The following ZNF185 variants were observed in gnomAD, a reference collection of about 807,000 sequenced individuals.
ZNF185 encodes zinc finger protein 185 with LIM domain.
Under a neutral mutation model 58.6 loss-of-function variants are expected in ZNF185, and 56 were observed. The observed-to-expected ratio is 0.95, with a 90% CI of 0.77 to 1.19. The LOEUF (loss-of-function observed/expected upper bound fraction) is 1.19. ZNF185 is among the 50% of genes most tolerant of loss of function. The pLI, the probability that ZNF185 is intolerant of heterozygous loss-of-function variation, is 0.00. For missense variants in ZNF185, 627 were observed against 573.5 expected, an observed-to-expected ratio of 1.09 and a Z score of -0.95; for synonymous variants, 230 against 215.9, an observed-to-expected ratio of 1.07 and a Z score of -0.57.
At chrX:152,951,342 C>A (rs2048298115) in intron 16 of ZNF185, among the ~76,000 whole-genome samples, 1 of 107,419 alleles carries the variant, frequency 9.3e-6, no homozygotes, top group Non-Finnish European at 1.9e-5. Context: ...TTTTGAAAAT[C>A]TTATAAATAC....
At chrX:152,937,923 G>C (rs782318996) in intron 14 of ZNF185, 151 bp from the exon 17 acceptor site, 2 of 488,797 alleles carry the variant, frequency 4.1e-6, no homozygotes, top group Non-Finnish European at 6.8e-6. Flanking sequence ...CAGTGGCATC[G>C]GTGCCACACT....
chrX:152,952,831 C>CT (rs34933153), intron 16 of ZNF185, among the ~76,000 whole-genome samples: 6,149 of 93,544 alleles, frequency 0.066, 537 homozygotes, highest in African/African-American at 0.22. Flanking sequence ...TTCGTGATTA[C>CT]TTTTTTTTTT....
intron 21 of ZNF185, 108 bp from the exon 24 acceptor site, chrX:152,970,335 G>A: frequency 4.9e-6 from 3 of 613,279 alleles, no homozygotes; most frequent in Non-Finnish European, 5.3e-6. Context: ...GATGTGCCAC[G>A]GGCTCACAGC....
intron 16 of ZNF185, 65 bp from the exon 19 acceptor site, chrX:152,959,634 C>T: frequency 9.0e-7 from 1 of 1,106,614 alleles, no homozygotes; most frequent in Non-Finnish European, 1.2e-6. Flanking sequence ...GCCAGCCTAC[C>T]TGCCATGGGA....
intron 16 of ZNF185, among the ~76,000 whole-genome samples, chrX:152,958,299 A>G (rs1556906606): frequency 9.0e-6 from 1 of 111,541 alleles, no homozygotes; most frequent in African/African-American, 3.3e-5. Flanking sequence ...GAAGGGGAAG[A>G]GAAGCAGCTG....
chrX:152,915,737 CTCTT>C (rs1443768444), intron 3 of ZNF185, among the ~76,000 whole-genome samples: 1 of 112,430 alleles, frequency 8.9e-6, no homozygotes, highest in Non-Finnish European at 1.9e-5. Flanking sequence ...TGGCTTCTCT[CTCTT>C]TTGGGGGCTT....
chrX:152,905,487 C>A, the ZNF185 span, among the ~76,000 whole-genome samples: 1 of 111,807 alleles, frequency 8.9e-6, no homozygotes, highest in African/African-American at 3.3e-5. Context: ...TTACTCAGAG[C>A]TCACAGGCAT....
intron 16 of ZNF185, among the ~76,000 whole-genome samples, chrX:152,956,615 TGTA>T: frequency 9.0e-6 from 1 of 111,714 alleles, no homozygotes; most frequent in East Asian, 2.8e-4. Flanking sequence ...GGCATGCACC[TGTA>T]ATCCCAGCTA....
chrX:152,904,475 G>A, the ZNF185 span, among the ~76,000 whole-genome samples: 6 of 112,508 alleles, frequency 5.3e-5, no homozygotes, highest in African/African-American at 1.9e-4. Flanking sequence ...CAGGAGACTG[G>A]GAATCAGAAT....
At chrX:152,914,575 C>T (rs1472775851) in intron 1 of ZNF185, 52 bp downstream of exon 2, 17 of 1,146,519 alleles carry the variant, frequency 1.5e-5, no homozygotes, top group Non-Finnish European at 1.6e-5. Flanking sequence ...CTGTTTGCTT[C>T]CAAGCCTGCC....
intron 14 of ZNF185, among the ~76,000 whole-genome samples, chrX:152,935,468 A>G (rs1403705122): frequency 9.6e-6 from 1 of 104,380 alleles, no homozygotes; most frequent in Non-Finnish European, 2.0e-5. Flanking sequence ...GATCTCCTGA[A>G]CTCGTGATCC....
chrX:152,904,581 C>T, the ZNF185 span, among the ~76,000 whole-genome samples: 5 of 112,654 alleles, frequency 4.4e-5, no homozygotes, highest in African/African-American at 1.6e-4. Context: ...AGCACCCGCA[C>T]CGGCTTAAAT....
chrX:152,949,577 G>C (rs1270231355), intron 16 of ZNF185, among the ~76,000 whole-genome samples: 2 of 111,291 alleles, frequency 1.8e-5, no homozygotes, highest in East Asian at 2.8e-4. Context: ...CTTAAGGGCT[G>C]CTTACTGCTA....
chrX:152,928,549 C>T (rs781925756), intron 11 of ZNF185, 26 bp from the exon 13 acceptor site: 3 of 1,208,453 alleles, frequency 2.5e-6, no homozygotes, highest in Non-Finnish European at 3.4e-6. Flanking sequence ...ACCTGCAACC[C>T]ACTGGGTCTC....
chrX:152,971,438 A>T (rs2050658519), exon 23 of ZNF185: 1 of 111,545 alleles, frequency 9.0e-6, no homozygotes, highest in African/African-American at 3.3e-5. Flanking sequence ...TACATCCAAT[A>T]TCGTATCTTA....
chrX:152,933,058 G>A, intron 14 of ZNF185, 87 bp downstream of exon 15: 2 of 602,434 alleles, frequency 3.3e-6, no homozygotes, highest in Non-Finnish European at 5.1e-6. Flanking sequence ...TGCTATGGGT[G>A]GGGCACTGGT....
intron 9 of ZNF185, among the ~76,000 whole-genome samples, chrX:152,921,842 T>G (rs782161423): frequency 9.0e-6 from 1 of 111,632 alleles, no homozygotes; most frequent in South Asian, 3.8e-4. Context: ...CAGATTTCCC[T>G]CTTCTTACAA....
In ZNF185 at chrX:152,920,753, G is replaced by A. The variant is rs782086994; in HGVS notation, c.656+5G>A. The A allele has an allele frequency of 8.3e-7, 1 of 1,211,911 alleles. No homozygotes were observed. The highest frequency in any genetic ancestry group is 1.8e-5 in the South Asian group (1 of 57,024). ...GGCACCGTTTATCGCGAAGAGGTAA[G>A]TGTCATCAAGGGACACCTTGGAGGC... On this transcript the variant is annotated splice_donor_5th_base_variant and intron_variant, in intron 9 of 22. Transcript: ENST00000449285.
intron 3 of ZNF185, among the ~76,000 whole-genome samples, chrX:152,915,838 T>C (rs1938341310): frequency 8.9e-6 from 1 of 112,304 alleles, no homozygotes; most frequent in South Asian, 3.7e-4. Context: ...GAAAGGGAAC[T>C]GAAATTCAGG....
Sources: gnomAD v4.1 joint callset for allele counts (sites outside exome capture counted in the v4.1 genomes callset) on GRCh38, gnomAD v4.1.1 for gene constraint, MANE v1.5 for transcripts, NCBI Gene and HGNC (gene_info 2026-07-23, HGNC 2026-07-21) for gene names.